The following DHRSX variants were observed in gnomAD, a reference collection of about 807,000 sequenced individuals.
The protein encoded by DHRSX is polyprenol dehydrogenase.
Under a neutral mutation model 34.0 loss-of-function variants are expected in DHRSX, and 31 were observed. The ratio of observed to expected loss-of-function variants is 0.91; its 90% CI spans 0.69 to 1.23. The LOEUF is 1.23. DHRSX is among the 50% of genes most tolerant of loss of function. DHRSX has a pLI of 0.00. For synonymous variants in DHRSX, 201 were observed against 183.8 expected, an observed-to-expected ratio of 1.09 and a Z score of -0.76; for missense variants, 414 against 428.1, an observed-to-expected ratio of 0.97 and a Z score of 0.29.
At chrX:2,289,589 C>A (rs1159689597) in intron 4 of DHRSX, among the ~76,000 whole-genome samples, 1 of 152,150 alleles carries the variant, frequency 6.6e-6, no homozygotes, top group Non-Finnish European at 1.5e-5. Flanking sequence ...ATAAAGTGCT[C>A]CCATTACTAA....
chrX:2,486,614 T>C (rs1272777185), intron 1 of DHRSX: 1 of 152,142 alleles, frequency 6.6e-6, no homozygotes, highest in Non-Finnish European at 1.5e-5. Context: ...ACGCTGGCAA[T>C]GCTACAGAAT....
At chrX:2,246,706 G>GAGAAAGAA (rs997986324) in intron 5 of DHRSX, among the ~76,000 whole-genome samples, 13,685 of 107,250 alleles carry the variant, frequency 0.13, 951 homozygotes, top group East Asian at 0.22. Flanking sequence ...AAGAAAGAAA[G>GAGAAAGAA]AGAAAGAAAG....
intron 4 of DHRSX, among the ~76,000 whole-genome samples, chrX:2,270,510 C>T (rs2041535369): frequency 6.6e-6 from 1 of 152,166 alleles, no homozygotes; most frequent in South Asian, 2.1e-4. Flanking sequence ...ATGCACAGGC[C>T]GCACTGGATG....
chrX:2,495,940 C>T (rs1044536892), intron 1 of DHRSX, among the ~76,000 whole-genome samples: 5 of 152,136 alleles, frequency 3.3e-5, no homozygotes, highest in African/African-American at 1.2e-4. Flanking sequence ...AGGAGCCAGC[C>T]GCCATCCGTC....
intron 3 of DHRSX, among the ~76,000 whole-genome samples, chrX:2,347,480 G>A (rs1457164179): frequency 6.6e-6 from 1 of 152,202 alleles, no homozygotes; most frequent in African/African-American, 2.4e-5. Flanking sequence ...GATCACCTGA[G>A]CTCAGGAGTT....
At chrX:2,439,126 C>T (rs1294684846) in intron 1 of DHRSX, among the ~76,000 whole-genome samples, 1 of 143,858 alleles carries the variant, frequency 7.0e-6, no homozygotes, top group Non-Finnish European at 1.5e-5. Flanking sequence ...GCCTGGGTGA[C>T]AAGAGCGAGA....
chrX:2,466,487 C>T (rs1455341162), intron 1 of DHRSX, among the ~76,000 whole-genome samples: 1 of 152,058 alleles, frequency 6.6e-6, no homozygotes, highest in Non-Finnish European at 1.5e-5. Flanking sequence ...TTTGCAGGAA[C>T]ATGCATGGAG....
intron 3 of DHRSX, among the ~76,000 whole-genome samples, chrX:2,343,693 C>T (rs1397669252): frequency 6.6e-6 from 1 of 152,236 alleles, no homozygotes; most frequent in Non-Finnish European, 1.5e-5. Context: ...CACTGATGGC[C>T]CTCCAGGGCC....
chrX:2,492,782 G>C (rs2045187704), intron 1 of DHRSX, among the ~76,000 whole-genome samples: 1 of 152,194 alleles, frequency 6.6e-6, no homozygotes, highest in Non-Finnish European at 1.5e-5. Flanking sequence ...TCCGGAGGGA[G>C]CGCAGCCCTG....
intron 3 of DHRSX, among the ~76,000 whole-genome samples, chrX:2,294,954 G>A (rs1040477402): frequency 1.3e-5 from 2 of 152,124 alleles, no homozygotes; most frequent in African/African-American, 4.8e-5. Flanking sequence ...TGGAGAAATA[G>A]GAACATTTTT....
chrX:2,236,320 T>C (rs1459686813), intron 6 of DHRSX, among the ~76,000 whole-genome samples: 2 of 151,918 alleles, frequency 1.3e-5, no homozygotes, highest in Non-Finnish European at 2.9e-5. Flanking sequence ...AGGAGAGGGA[T>C]TGGATACCTG....
intron 1 of DHRSX, among the ~76,000 whole-genome samples, chrX:2,482,990 G>C (rs2099721966): frequency 6.6e-6 from 1 of 152,168 alleles, no homozygotes; most frequent in South Asian, 2.1e-4. Context: ...AGCCCTCTAA[G>C]ATAACGCACA....
At chrX:2,384,427 A>C (rs1379962503) in intron 3 of DHRSX, among the ~76,000 whole-genome samples, 3 of 152,116 alleles carry the variant, frequency 2.0e-5, no homozygotes, top group Non-Finnish European at 4.4e-5. Flanking sequence ...GTAGTGTGAG[A>C]TGCTACGAGG....
Position 2,243,119 on chromosome X carries a change from G to A in DHRSX, c.708C>T (p.Asn236=), listed in dbSNP as rs150063471. The A allele has an allele frequency of 4.2e-4, 676 of 1,613,930 alleles. 6 individuals carry two copies. The African/African-American group carries it at 8.0e-3, about 19-fold the overall frequency. ...TGTTGACCACCCCGGGGTCCACCACGTTGGCGGTCACGTGGCTTCCCTCAG... is the reference window on the plus strand; with the variant it reads ...TGTTGACCACCCCGGGGTCCACCACATTGGCGGTCACGTGGCTTCCCTCAG... ...LAAEGSHVTA[N]VVDPGVVNTD... is the part of the protein sequence containing the mutation. The change falls in exon 6 of 7, where the codon AAC becomes AAT. Residue 236 remains asparagine, a synonymous_variant. Transcript: ENST00000334651.
intron 6 of DHRSX, among the ~76,000 whole-genome samples, chrX:2,232,749 T>C (rs1444047882): frequency 1.3e-5 from 2 of 151,984 alleles, no homozygotes; most frequent in Non-Finnish European, 2.9e-5. Flanking sequence ...ATTTTTTGTA[T>C]TTTTAGTAGA....
chrX:2,428,212 T>G (rs2043873126), intron 1 of DHRSX, among the ~76,000 whole-genome samples: 1 of 152,150 alleles, frequency 6.6e-6, no homozygotes, highest in African/African-American at 2.4e-5. Context: ...CACTATGCAA[T>G]ATATTCATGT....
At chrX:2,383,181 A>C (rs1418137125) in intron 3 of DHRSX, among the ~76,000 whole-genome samples, 1 of 151,574 alleles carries the variant, frequency 6.6e-6, no homozygotes, top group Non-Finnish European at 1.5e-5. Flanking sequence ...TCATCACATG[A>C]CCATGACCAT....
At chrX:2,488,811 C>A in intron 1 of DHRSX, 1 of 1,613,908 alleles carries the variant, frequency 6.2e-7, no homozygotes, top group South Asian at 1.1e-5. Flanking sequence ...TGCGCGGGAG[C>A]CAGCCGGTTC....
chrX:2,349,379 C>G lies in DHRSX; in HGVS notation c.287-57776G>C, dbSNP rs756378569. Among the ~76,000 whole-genome samples the G allele has an allele frequency of 5.9e-5, 9 of 152,142 alleles. No homozygotes were observed. In the South Asian group the frequency reaches 1.7e-3, roughly 28 times the overall value. The stretch of plus-strand genomic sequence containing the variant: ...TGCGGTACACGCACACAATGGGATA[C>G]TATGCAGCCTTCAAAAGAAGGTAGT... On this transcript the variant is annotated intron_variant, in intron 3 of 6. Transcript: ENST00000334651.
Sources: gnomAD v4.1 joint callset for allele counts (sites outside exome capture counted in the v4.1 genomes callset) on GRCh38, gnomAD v4.1.1 for gene constraint, MANE v1.5 for transcripts, NCBI Gene and HGNC (gene_info 2026-07-23, HGNC 2026-07-21) for gene names.